DNAH14: variants seen among roughly 807,000 people sequenced by gnomAD.
DNAH14 encodes axonemal beta dynein heavy chain 14.
Under a neutral mutation model 520.9 loss-of-function variants are expected in DNAH14, and 478 were observed. That is an observed-to-expected ratio of 0.92 (90% CI 0.85 to 0.99). The LOEUF is 0.99. Ranked by LOEUF, DNAH14 falls within the 50% of genes least tolerant of loss-of-function variation. The pLI is 0.00. For synonymous variants in DNAH14, 1,581 were observed against 1,757.2 expected (o/e 0.90, Z 2.51); for missense variants, 4,831 against 5,234.5 (o/e 0.92, Z 2.38).
At chr1:225,355,155 G>A (rs767866140) in intron 73 of DNAH14, among the ~76,000 whole-genome samples, 9 of 152,206 alleles carry the variant, frequency 5.9e-5, no homozygotes, top group Non-Finnish European at 1.3e-4. Context: ...TCTGGAGGCT[G>A]GGAGTCTAAC....
intron 12 of DNAH14, 71 bp downstream of exon 12, chr1:225,038,894 T>C (rs1163508261): frequency 3.8e-6 from 5 of 1,317,298 alleles, no homozygotes; most frequent in Admixed American, 3.4e-5. Flanking sequence ...AAATTTAAAA[T>C]GTGATTTATG....
chr1:225,293,525 T>C (rs2093939078), intron 55 of DNAH14, among the ~76,000 whole-genome samples: 1 of 152,176 alleles, frequency 6.6e-6, no homozygotes, highest in Admixed American at 6.5e-5. Context: ...GTGACATGGA[T>C]GGAGCTGGAG....
chr1:225,024,491 G>A (rs933279489), intron 11 of DNAH14: 5 of 153,336 alleles, frequency 3.3e-5, no homozygotes, highest in Admixed American at 6.5e-5. Flanking sequence ...TGGTAAACAG[G>A]ACTATGAATT....
Position 225,153,770 on chromosome 1 carries a change from G to C in DNAH14, c.5217G>C (p.Leu1739Phe). The C allele has an allele frequency of 6.5e-7, 1 of 1,548,532 alleles. No individual in the cohort carries two copies. The highest frequency in any genetic ancestry group is 1.2e-5 in the South Asian group (1 of 83,468). Reference sequence around the variant, plus strand: ...GATAGGATCATTATAATTTTGGCTTGAGATCTCTGAAGATAGTTTTAATAA... The same window carrying C: ...GATAGGATCATTATAATTTTGGCTTCAGATCTCTGAAGATAGTTTTAATAA... ...LSQQDHYNFGLRSLKIVLIMA... is the reference protein window; with the variant it reads ...LSQQDHYNFGFRSLKIVLIMA... Residue 1739 changes from leucine (L) to phenylalanine (F), a missense_variant, in exon 34 of 86, where the codon TTG (leucine) becomes TTC (phenylalanine). Leu to Phe is a conservative substitution (Grantham distance 22, BLOSUM62 0). Coordinates refer to ENST00000682510, the MANE Select transcript of DNAH14 (RefSeq NM_001367479.1).
In DNAH14 at chr1:225,364,807, C is replaced by T. The variant is rs565383191; in HGVS notation, c.12003C>T (p.Asn4001=). 141 of 1,545,806 alleles carry T rather than the reference C, an allele frequency of 9.1e-5. No individual in the cohort carries two copies. The highest frequency in any genetic ancestry group is 4.4e-4 in the East Asian group (18 of 40,762). ...CTIVESFNSP[N]VTIDPEFRLW... Reference sequence around the variant, plus strand: ...TATTTTGCAGTTTTAATAGTCCAAACGTGACAATAGACCCTGAGTTTCGGC... The same window carrying T: ...TATTTTGCAGTTTTAATAGTCCAAATGTGACAATAGACCCTGAGTTTCGGC... Residue 4001 remains asparagine, a synonymous_variant, in exon 76 of 86, where the codon AAC becomes AAT. Coordinates refer to ENST00000682510, the MANE Select transcript of DNAH14 (RefSeq NM_001367479.1).
At chr1:225,398,034 G>C (rs1189494427) in intron 84 of DNAH14, 3 of 107,054 alleles carry the variant, frequency 2.8e-5, no homozygotes, top group Non-Finnish European at 5.2e-5. Flanking sequence ...GCAACAGAGC[G>C]AGACCCCATG....
chr1:225,074,262 G>A (rs2071960372), intron 17 of DNAH14, among the ~76,000 whole-genome samples: 1 of 152,184 alleles, frequency 6.6e-6, no homozygotes, highest in Admixed American at 6.5e-5. Flanking sequence ...GCCTCCCAAA[G>A]TGCTGGGATT....
intron 1 of DNAH14, among the ~76,000 whole-genome samples, chr1:224,941,003 G>A (rs1236711753): frequency 3.3e-5 from 5 of 152,142 alleles, no homozygotes; most frequent in African/African-American, 1.2e-4. Context: ...CTTTATAGCA[G>A]CATGTTTTAT....
chr1:225,122,223 A>G (rs2077357681), intron 26 of DNAH14, among the ~76,000 whole-genome samples: 1 of 152,138 alleles, frequency 6.6e-6, no homozygotes, highest in Admixed American at 6.5e-5. Flanking sequence ...TAGTTTTTCT[A>G]AAATAGCTGG....
chr1:225,007,852 A>T (rs947167851), intron 10 of DNAH14, among the ~76,000 whole-genome samples: 1 of 152,032 alleles, frequency 6.6e-6, no homozygotes, highest in Admixed American at 6.6e-5. Context: ...GGCCAAGAGA[A>T]TCACCTAGAA....
intron 43 of DNAH14, 45 bp from the exon 44 acceptor site, chr1:225,252,256 T>C (rs888754765): frequency 2.7e-5 from 28 of 1,048,864 alleles, no homozygotes; most frequent in Admixed American, 4.0e-5. Context: ...AAACATTCCA[T>C]AACTGAACCC....
chr1:225,192,386 A>G (rs1572750), intron 37 of DNAH14, among the ~76,000 whole-genome samples: 36,657 of 151,890 alleles, frequency 0.24, 5,397 homozygotes, highest in Non-Finnish European at 0.32. Context: ...TCACTTCTAT[A>G]CTCAACCCTG....
At chr1:224,970,733 T>C (rs1162370677) in intron 7 of DNAH14, among the ~76,000 whole-genome samples, 3 of 152,180 alleles carry the variant, frequency 2.0e-5, no homozygotes, top group Admixed American at 1.3e-4. Context: ...GGTTTTGCTG[T>C]CTCAGGGGTG....
chr1:225,111,670 A>T (rs1305311928), intron 23 of DNAH14, among the ~76,000 whole-genome samples: 1 of 151,490 alleles, frequency 6.6e-6, no homozygotes, highest in African/African-American at 2.4e-5. Context: ...TGCCATTTTT[A>T]AAATTTGTTT....
intron 54 of DNAH14, among the ~76,000 whole-genome samples, chr1:225,288,184 G>A (rs577192513): frequency 2.6e-5 from 4 of 152,148 alleles, no homozygotes; most frequent in South Asian, 2.1e-4. Flanking sequence ...GACAAACACC[G>A]CCTTATCTAG....
chr1:225,179,876 T>C (rs1174122132), intron 36 of DNAH14, among the ~76,000 whole-genome samples: 1 of 151,850 alleles, frequency 6.6e-6, no homozygotes, highest in Admixed American at 6.6e-5. Context: ...GTGGGTTTTC[T>C]GGCTACAGTA....
At chr1:225,322,071 C>CT (rs1209172928) in intron 61 of DNAH14, among the ~76,000 whole-genome samples, 23 of 109,716 alleles carry the variant, frequency 2.1e-4, no homozygotes, top group Admixed American at 1.5e-3. Context: ...GAAGACTTTT[C>CT]TTTTTTTTTC....
In DNAH14 at chr1:225,023,649, A is replaced by G; in HGVS notation, c.1142A>G (p.Glu381Gly). Residue 381 changes from glutamate to glycine, a missense_variant, in exon 11 of 86, where the codon GAG (glutamate) becomes GGG (glycine). By Grantham distance (98) the Glu-to-Gly change is moderately conservative. Coordinates refer to ENST00000682510, the MANE Select transcript of DNAH14 (RefSeq NM_001367479.1). ...AAGAATGAAATCAAAGAGTATTTTG[A>G]GTCAAAACTCTCTGAAGATGACACA... is the stretch of plus-strand genomic sequence containing the variant. ...AEKNEIKEYF[E>G]SKLSEDDTTH... 1 of 1,544,940 alleles carries G rather than the reference A, an allele frequency of 6.5e-7. No individual in the cohort carries two copies. Among genetic ancestry groups the G allele is most frequent in the Non-Finnish European group, 8.7e-7 (1 of 1,143,036 alleles).
chr1:225,074,573 C>T (rs997914424), intron 17 of DNAH14, among the ~76,000 whole-genome samples: 22 of 152,172 alleles, frequency 1.4e-4, no homozygotes, highest in African/African-American at 5.3e-4. Context: ...AGCTCTCTCC[C>T]AGGGAGTTTT....
Sources: gnomAD v4.1 joint callset for allele counts (sites outside exome capture counted in the v4.1 genomes callset) on GRCh38, gnomAD v4.1.1 for gene constraint, MANE v1.5 for transcripts, NCBI Gene and HGNC (gene_info 2026-07-23, HGNC 2026-07-21) for gene names.